PDE10A: variants seen among roughly 807,000 people sequenced by gnomAD.
The protein encoded by PDE10A is cAMP and cAMP-inhibited cGMP 3',5'-cyclic phosphodiesterase 10A.
PDE10A carries 39 observed loss-of-function variants against 97.7 expected under a neutral mutation model. The observed-to-expected ratio is 0.40, with a 90% CI of 0.31 to 0.52. PDE10A has a LOEUF of 0.52. Ranked by LOEUF, PDE10A falls within the 20% of genes least tolerant of loss-of-function variation. The pLI, the probability that PDE10A is intolerant of heterozygous loss-of-function variation, is 0.56. For synonymous variants in PDE10A, 371 were observed against 376.8 expected, an observed-to-expected ratio of 0.98 and a Z score of 0.18; for missense variants, 731 against 1,047.8, an observed-to-expected ratio of 0.70 and a Z score of 4.17.
intron 1 of PDE10A, among the ~76,000 whole-genome samples, chr6:165,597,874 T>C (rs1259234278): frequency 1.3e-5 from 2 of 152,224 alleles, no homozygotes; most frequent in Admixed American, 1.3e-4. Context: ...GAAAAAAGAC[T>C]GTGAGGCTGG....
intron 1 of PDE10A, chr6:165,774,833 T>C (rs1778127604): frequency 4.7e-3 from 2 of 426 alleles, no homozygotes; most frequent in Non-Finnish European, 0.028. Context: ...TTTTTTTTCT[T>C]TTTTTTTTTT....
chr6:165,821,838 C>T lies in PDE10A; in HGVS notation c.-615+165691G>A, dbSNP rs145412320. On this transcript the variant is annotated intron_variant, in intron 1 of 19. Transcript: ENST00000366882. ...GATTACAGGTATGAGCCACCATGCT[C>T]GGCATTGTCTATAATTTTTTGATAG... is the stretch of plus-strand genomic sequence containing the variant. Among the ~76,000 whole-genome samples, 252 of 152,214 alleles carry T rather than the reference C, an allele frequency of 1.7e-3. 2 individuals carry two copies. The highest frequency in any genetic ancestry group is 5.8e-3 in the African/African-American group (240 of 41,522).
chr6:165,564,953 T>G (rs766340070), intron 1 of PDE10A, among the ~76,000 whole-genome samples: 3 of 152,308 alleles, frequency 2.0e-5, no homozygotes, highest in South Asian at 4.1e-4. Flanking sequence ...GTTGGCAGAA[T>G]GGATTTTTTA....
At chr6:165,443,769 T>C (rs947112560) in intron 5 of PDE10A, among the ~76,000 whole-genome samples, 1 of 152,216 alleles carries the variant, frequency 6.6e-6, no homozygotes, top group African/African-American at 2.4e-5. Flanking sequence ...GTACCACGGC[T>C]AGAGCTGAAG....
intron 2 of PDE10A, among the ~76,000 whole-genome samples, chr6:165,521,624 G>T (rs1264275722): frequency 6.6e-6 from 1 of 152,150 alleles, no homozygotes; most frequent in South Asian, 2.1e-4. Context: ...AGCCACAATG[G>T]TCCCTCACGT....
At chr6:165,649,057 G>GGTGA (rs1346952533) in intron 1 of PDE10A, among the ~76,000 whole-genome samples, 1 of 152,172 alleles carries the variant, frequency 6.6e-6, no homozygotes, top group Non-Finnish European at 1.5e-5. Flanking sequence ...AAGAGAACTA[G>GGTGA]GTGAGTGCAC....
chr6:165,594,498 G>A (rs2128388175), intron 1 of PDE10A, among the ~76,000 whole-genome samples: 1 of 152,250 alleles, frequency 6.6e-6, no homozygotes, highest in Non-Finnish European at 1.5e-5. Flanking sequence ...TACCCAAAGT[G>A]AAGCAGAACA....
chr6:165,771,279 G>A (rs145426396), intron 1 of PDE10A, among the ~76,000 whole-genome samples: 1,730 of 152,258 alleles, frequency 0.011, 38 homozygotes, highest in African/African-American at 0.04. Context: ...AACCCTGGGG[G>A]CCCAGAAATA....
intron 1 of PDE10A, among the ~76,000 whole-genome samples, chr6:165,820,007 T>A (rs1404124837): frequency 6.6e-6 from 1 of 152,208 alleles, no homozygotes; most frequent in Non-Finnish European, 1.5e-5. Context: ...GAGAAAATTT[T>A]AAAAATGAAA....
intron 3 of PDE10A, among the ~76,000 whole-genome samples, chr6:165,462,480 C>G (rs1345542114): frequency 6.6e-6 from 1 of 152,148 alleles, no homozygotes; most frequent in Admixed American, 6.5e-5. Context: ...TTGTGCTTCT[C>G]CAGGACCAAA....
chr6:165,432,344 G>T (rs1051663773), intron 7 of PDE10A, among the ~76,000 whole-genome samples: 2 of 152,138 alleles, frequency 1.3e-5, no homozygotes, highest in East Asian at 3.9e-4. Context: ...GCTGTGAGGG[G>T]GATAAGTGGA....
At chr6:165,957,647 A>C (rs1338633070) in intron 1 of PDE10A, among the ~76,000 whole-genome samples, 1 of 152,220 alleles carries the variant, frequency 6.6e-6, no homozygotes, top group Admixed American at 6.5e-5. Context: ...GTCCAGCTCC[A>C]AACCACTTTG....
chr6:165,924,885 G>A (rs1425614984), intron 1 of PDE10A, among the ~76,000 whole-genome samples: 1 of 152,130 alleles, frequency 6.6e-6, no homozygotes, highest in Non-Finnish European at 1.5e-5. Flanking sequence ...GGACACCAAA[G>A]GCATGAGTCA....
chr6:165,877,728 AC>A (rs35953240), intron 1 of PDE10A, among the ~76,000 whole-genome samples: 5,458 of 152,238 alleles, frequency 0.036, 117 homozygotes, highest in Middle Eastern at 0.048. Flanking sequence ...CTACCTCTTC[AC>A]AAAAACTGTA....
chr6:165,877,816 T>C (rs1759494969), intron 1 of PDE10A, among the ~76,000 whole-genome samples: 1 of 152,142 alleles, frequency 6.6e-6, no homozygotes, highest in Non-Finnish European at 1.5e-5. Flanking sequence ...ACGCTTTATA[T>C]CTTATAAAAG....
intron 1 of PDE10A, among the ~76,000 whole-genome samples, chr6:165,582,541 A>G (rs1785674946): frequency 6.6e-6 from 1 of 152,076 alleles, no homozygotes; most frequent in African/African-American, 2.4e-5. Flanking sequence ...TGAAAAAACC[A>G]CTGAAATTTA....
intron 17 of PDE10A, among the ~76,000 whole-genome samples, chr6:165,385,197 T>C (rs1283291655): frequency 6.6e-6 from 1 of 151,628 alleles, no homozygotes; most frequent in African/African-American, 2.4e-5. Context: ...GATGGAGGGA[T>C]GGGAAGATAA....
intron 3 of PDE10A, among the ~76,000 whole-genome samples, chr6:165,459,494 TAG>T (rs1778165621): frequency 2.9e-5 from 1 of 34,736 alleles, no homozygotes; most frequent in Admixed American, 2.9e-4. Flanking sequence ...ATGCATTAGA[TAG>T]ATAGATAGAT....
chr6:165,519,391 C>T (rs1017747068), intron 2 of PDE10A, among the ~76,000 whole-genome samples: 3 of 151,580 alleles, frequency 2.0e-5, no homozygotes, highest in South Asian at 2.1e-4. Flanking sequence ...TTTAAACAAA[C>T]GAACAAATAC....
Sources: allele counts gnomAD v4.1 joint callset (sites outside exome capture counted in the v4.1 genomes callset), GRCh38; gene constraint gnomAD v4.1.1; transcripts MANE v1.5; gene names NCBI Gene and HGNC (gene_info 2026-07-23, HGNC 2026-07-21).